Variants in ZFX observed in about 807,000 individuals in gnomAD.
The protein encoded by ZFX is zinc finger X-chromosomal protein.
For synonymous variants in ZFX, 196 were observed against 226.8 expected (o/e 0.86, Z 1.22); for missense variants, 362 against 628.3 (o/e 0.58, Z 4.53).
chrX:24,182,246 CTT>C (rs756810581), intron 5 of ZFX, among the ~76,000 whole-genome samples: 5 of 110,771 alleles, frequency 4.5e-5, no homozygotes, highest in African/African-American at 1.6e-4. Flanking sequence ...GAAAATATGA[CTT>C]TGGTGCTTTT....
chrX:24,178,990 G>A (rs776140495), intron 4 of ZFX, among the ~76,000 whole-genome samples, 193 bp from the exon 5 acceptor site: 10 of 112,227 alleles, frequency 8.9e-5, no homozygotes, highest in Non-Finnish European at 1.5e-4. Flanking sequence ...ATTGATTTGA[G>A]ATGATTACAA....
chrX:24,184,117 G>T (rs1935914242), intron 5 of ZFX, among the ~76,000 whole-genome samples: 1 of 111,520 alleles, frequency 9.0e-6, no homozygotes, highest in African/African-American at 3.3e-5. Context: ...ATATCTCATT[G>T]TGTATATGCA....
intron 5 of ZFX, among the ~76,000 whole-genome samples, chrX:24,203,104 T>G (rs1435747124): frequency 1.8e-5 from 2 of 111,730 alleles, no homozygotes; most frequent in Admixed American, 1.9e-4. Context: ...TCTCTCACAT[T>G]TCTTACCCCA....
At chrX:24,174,492 C>G (rs2318795) in intron 4 of ZFX, among the ~76,000 whole-genome samples, 42,067 of 103,165 alleles carry the variant, frequency 0.41, 6,769 homozygotes, top group South Asian at 0.76. Flanking sequence ...CTCCCGAGTT[C>G]AAGTGATTCT....
chrX:24,158,744 C>T (rs1601799601), intron 3 of ZFX, among the ~76,000 whole-genome samples: 1 of 109,995 alleles, frequency 9.1e-6, no homozygotes, highest in Non-Finnish European at 1.9e-5. Context: ...TCAAGCCCTT[C>T]TCCTGCCTCA....
chrX:24,156,253 C>A (rs1334370019), intron 3 of ZFX, among the ~76,000 whole-genome samples: 5 of 111,932 alleles, frequency 4.5e-5, no homozygotes, highest in African/African-American at 1.6e-4. Context: ...CTGAAAATAT[C>A]TTTTCCTGGT....
chrX:24,186,990 C>T (rs1282984507), intron 5 of ZFX, among the ~76,000 whole-genome samples: 3 of 111,866 alleles, frequency 2.7e-5, no homozygotes, highest in African/African-American at 6.5e-5. Context: ...AAGGCATTAA[C>T]GATAAATTTC....
rs1221158265 is a variant in ZFX, at chrX:24,158,236, T to A, written c.-29+5406T>A. Reference sequence around the variant, plus strand: ...AGGGTACAGCTTACAATTGGTATCTTCAGAGTCAGTGAAATGTAGTAGTAA... The same window carrying A: ...AGGGTACAGCTTACAATTGGTATCTACAGAGTCAGTGAAATGTAGTAGTAA... On this transcript the variant is annotated intron_variant, in intron 3 of 9. Transcript: ENST00000304543. Among the ~76,000 whole-genome samples, 3 of 111,083 alleles carry A rather than the reference T, an allele frequency of 2.7e-5. No individual in the cohort carries two copies. The East Asian group carries it at 8.4e-4, about 31-fold the overall frequency.
At position 24,173,633 on chromosome X, in the gene ZFX, T is replaced by G. The variant is rs1202551309; in HGVS notation, c.58+833T>G. The G allele has an allele frequency of 1.0e-5, 11 of 1,048,844 alleles. No individual in the cohort carries two copies. The Admixed American group carries it at 2.9e-4, about 28-fold the overall frequency. The allele number at this position is 1,048,844 out of a possible 1,213,427, so 86.4% of individuals were successfully genotyped here. On this transcript the variant is annotated intron_variant, in intron 4 of 9. Coordinates refer to ENST00000304543, the MANE Select transcript of ZFX (RefSeq NM_003410.4). ...CAGGGTCTCGTTCTGTCACCCAGGC[T>G]GGAGCACAGTGGCGCCATCTGGGTC...
At chrX:24,187,209 A>G (rs756604487) in intron 5 of ZFX, among the ~76,000 whole-genome samples, 16 of 111,563 alleles carry the variant, frequency 1.4e-4, no homozygotes, top group Non-Finnish European at 2.8e-4. Context: ...CTCGAATAAT[A>G]GCTTCTCCAA....
rs372957514 is a variant in ZFX, at chrX:24,211,387, A to G, written c.*11A>G. On this transcript the variant is annotated 3_prime_UTR_variant, in exon 10 of 10. Coordinates refer to ENST00000304543, the MANE Select transcript of ZFX (RefSeq NM_003410.4). ...GTTGGCCTGCCCTAACAATACTTCT[A>G]CAGAACGTTTGTAGAGATATTGGCC... The G allele has an allele frequency of 5.8e-6, 7 of 1,209,191 alleles. No individual in the cohort carries two copies. In the Admixed American group the frequency reaches 6.6e-5, roughly 11 times the overall value.
chrX:24,164,268 A>AT (rs1448770799), intron 3 of ZFX, among the ~76,000 whole-genome samples: 1 of 111,158 alleles, frequency 9.0e-6, no homozygotes, highest in African/African-American at 3.3e-5. Flanking sequence ...TTCTTTTATT[A>AT]TTTTTTTAAT....
Position 24,208,214 on chromosome X carries a change from T to A in ZFX, c.941-4T>A. 8.2e-7 allele frequency: 1 copy of A among 1,212,137 alleles called. No homozygotes were observed. On this transcript the variant is annotated splice_polypyrimidine_tract_variant and splice_region_variant and intron_variant, in intron 7 of 9. Coordinates refer to ENST00000304543, the MANE Select transcript of ZFX (RefSeq NM_003410.4). ...CACAGAAGTTTTTGTAACTTTCTAC[T>A]TAGATGTTGCTGAAATCGCTGACGA...
chrX:24,159,701 C>G (rs1279346488), intron 3 of ZFX, among the ~76,000 whole-genome samples: 2 of 111,249 alleles, frequency 1.8e-5, no homozygotes, highest in Non-Finnish European at 3.8e-5. Flanking sequence ...GGTCTGGTCT[C>G]GAACTCCTGA....
At chrX:24,160,138 A>G (rs1211015165) in intron 3 of ZFX, among the ~76,000 whole-genome samples, 1 of 109,573 alleles carries the variant, frequency 9.1e-6, no homozygotes, top group Non-Finnish European at 1.9e-5. Context: ...TCCTGTGGTT[A>G]ATATTTTCCT....
intron 3 of ZFX, among the ~76,000 whole-genome samples, chrX:24,157,498 G>A (rs980749975): frequency 7.1e-5 from 8 of 112,031 alleles, no homozygotes; most frequent in African/African-American, 2.6e-4. Flanking sequence ...CTTGGTCAGG[G>A]CTCTTCATTT....
intron 5 of ZFX, among the ~76,000 whole-genome samples, chrX:24,182,701 G>A (rs992767679): frequency 1.8e-5 from 2 of 111,525 alleles, no homozygotes; most frequent in African/African-American, 6.5e-5. Context: ...CTAAAGAGGT[G>A]GGAGTATAGC....
chrX:24,197,140 C>T (rs1936976331), intron 5 of ZFX, among the ~76,000 whole-genome samples: 1 of 111,749 alleles, frequency 8.9e-6, no homozygotes, highest in African/African-American at 3.3e-5. Flanking sequence ...GATCTGCAGG[C>T]TCAGTGAAAT....
intron 4 of ZFX, among the ~76,000 whole-genome samples, chrX:24,175,077 T>C: frequency 8.9e-6 from 1 of 112,274 alleles, no homozygotes; most frequent in East Asian, 2.8e-4. Context: ...GATACTCTTT[T>C]AACTCGTTTG....
Sources: gnomAD v4.1 joint callset for allele counts (sites outside exome capture counted in the v4.1 genomes callset) on GRCh38, gnomAD v4.1.1 for gene constraint, MANE v1.5 for transcripts, NCBI Gene and HGNC (gene_info 2026-07-23, HGNC 2026-07-21) for gene names.